The following ZNRF3 variants were observed in gnomAD, a reference collection of about 807,000 sequenced individuals.
ZNRF3 encodes E3 ubiquitin-protein ligase ZNRF3.
In ZNRF3, 23 loss-of-function variants were observed where a neutral mutation model predicts 72.5. That is an observed-to-expected ratio of 0.32 (90% confidence interval 0.23 to 0.45). The LOEUF is 0.45. Ranked by LOEUF, ZNRF3 falls within the 20% of genes least tolerant of loss-of-function variation. The pLI is 1.00. For missense variants in ZNRF3, 1,169 were observed against 1,272.1 expected (o/e 0.92, Z 1.23); for synonymous variants, 610 against 545.3 (o/e 1.12, Z -1.65).
intron 5 of ZNRF3, among the ~76,000 whole-genome samples, chr22:29,046,456 G>A (rs1375990646): frequency 6.6e-6 from 1 of 152,182 alleles, no homozygotes; most frequent in Non-Finnish European, 1.5e-5. Flanking sequence ...CAAGTAATTG[G>A]AGGAGACCCC....
chr22:28,897,963 G>A (rs2034031026), intron 1 of ZNRF3, among the ~76,000 whole-genome samples: 1 of 151,994 alleles, frequency 6.6e-6, no homozygotes. Context: ...TCTTTTTTTA[G>A]GTGGGGTCTC....
intron 1 of ZNRF3, among the ~76,000 whole-genome samples, chr22:28,956,723 G>C (rs5762915): frequency 6.6e-6 from 1 of 152,202 alleles, no homozygotes; most frequent in Non-Finnish European, 1.5e-5. Flanking sequence ...AGAGAGCTGA[G>C]AACTGAGTGA....
intron 1 of ZNRF3, among the ~76,000 whole-genome samples, chr22:28,984,627 T>A (rs1182595459): frequency 6.6e-6 from 1 of 152,224 alleles, no homozygotes; most frequent in Non-Finnish European, 1.5e-5. Flanking sequence ...TGATTTGACC[T>A]GGGACTTCAG....
Position 29,053,916 on chromosome 22 carries a change from C to T in ZNRF3, c.*294C>T. 3.9e-6 allele frequency: 1 copy of T among 253,192 alleles called. No homozygotes were observed. The highest frequency in any genetic ancestry group is 7.4e-6 in the Non-Finnish European group (1 of 134,650). 15.7% of individuals were successfully genotyped at this position (253,192 alleles called of 1,614,324 possible). On this transcript the variant is annotated 3_prime_UTR_variant, in exon 9 of 9. Transcript: ENST00000544604. ...GTTCCGAGGTGTGGGATTGAGTTCT[C>T]TGCTTTGTTTTTTTTTAAGATATTG...
chr22:28,899,935 T>A (rs2034073217), intron 1 of ZNRF3, among the ~76,000 whole-genome samples: 1 of 152,184 alleles, frequency 6.6e-6, no homozygotes, highest in Non-Finnish European at 1.5e-5. Context: ...AAGCAATAGT[T>A]AGTTTACTTT....
chr22:29,011,884 C>T (rs978012333), intron 2 of ZNRF3, among the ~76,000 whole-genome samples: 13 of 152,178 alleles, frequency 8.5e-5, no homozygotes, highest in African/African-American at 3.1e-4. Context: ...GCAGGGCCAC[C>T]ATGTCTCTGC....
intron 2 of ZNRF3, among the ~76,000 whole-genome samples, chr22:29,035,032 C>A (rs1454647509): frequency 7.2e-6 from 1 of 138,968 alleles, no homozygotes; most frequent in Admixed American, 7.7e-5. Flanking sequence ...AATAGACACA[C>A]GGAGTCTTGC....
chr22:28,887,153 G>T (rs1295373254), intron 1 of ZNRF3, among the ~76,000 whole-genome samples: 2 of 151,708 alleles, frequency 1.3e-5, no homozygotes, highest in African/African-American at 4.8e-5. Context: ...TCACCTTTAA[G>T]AATTCTAAGA....
chr22:29,043,820 A>G (rs1401422640), intron 4 of ZNRF3, among the ~76,000 whole-genome samples: 3 of 152,122 alleles, frequency 2.0e-5, no homozygotes, highest in Non-Finnish European at 4.4e-5. Flanking sequence ...TAGACACTAG[A>G]AAAAAAGGCT....
At position 29,049,345 on chromosome 22, in the gene ZNRF3, C is replaced by T; in HGVS notation, c.1164C>T (p.Asp388=). Residue 388 remains aspartate, a synonymous_variant, in exon 8 of 9, where the codon GAC becomes GAT. Coordinates refer to ENST00000544604, the MANE Select transcript of ZNRF3 (RefSeq NM_001206998.2). The surrounding 1 kb of genome is among the most constrained non-coding windows in gnomAD (Gnocchi z 5.2). ...IPAYPTRTSM[D]SHGNPVTLLT... ...CCTACCCTACGAGGACAAGCATGGA[C>T]TCCCACGGCAACCCCGTCACCTTGC... 2 of 1,613,766 alleles carry T rather than the reference C, an allele frequency of 1.2e-6. No homozygotes were observed. Among genetic ancestry groups the T allele is most frequent in the South Asian group, 2.2e-5 (2 of 91,084 alleles).
intron 2 of ZNRF3, among the ~76,000 whole-genome samples, chr22:29,021,358 T>C (rs1303554144): frequency 6.6e-6 from 1 of 152,236 alleles, no homozygotes; most frequent in Non-Finnish European, 1.5e-5. Flanking sequence ...GGAATTTTCC[T>C]ATATTAACTA....
chr22:28,919,401 C>G (rs528064141), intron 1 of ZNRF3, among the ~76,000 whole-genome samples: 3 of 152,324 alleles, frequency 2.0e-5, no homozygotes, highest in East Asian at 3.9e-4. Context: ...CATAACATCC[C>G]TATGCTGGTT....
At chr22:28,941,724 A>G (rs1181770068) in intron 1 of ZNRF3, among the ~76,000 whole-genome samples, 2 of 152,052 alleles carry the variant, frequency 1.3e-5, no homozygotes, top group East Asian at 3.9e-4. Context: ...TCAAGTGACC[A>G]GCATGGTGAA....
rs560431389 is a variant in ZNRF3, at chr22:29,052,822, A to T, written c.2768-757A>T. Among the ~76,000 whole-genome samples, 333 of 151,696 alleles carry T rather than the reference A, an allele frequency of 2.2e-3. 1 individual carries two copies. In the South Asian group the frequency reaches 0.032, roughly 14 times the overall value. On this transcript the variant is annotated intron_variant, in intron 8 of 8. Transcript: ENST00000544604. ...GACCCTATCTCTTAAAAAAAAATTT[A>T]AAAAAAAATTTTTTTTTAATTAGCT...
intron 1 of ZNRF3, among the ~76,000 whole-genome samples, chr22:28,966,325 C>T (rs1332159639): frequency 1.3e-5 from 2 of 152,126 alleles, no homozygotes; most frequent in African/African-American, 2.4e-5. Flanking sequence ...ACAGTGGTTC[C>T]GTAAAGATTA....
At chr22:28,900,022 C>T (rs1176189644) in intron 1 of ZNRF3, among the ~76,000 whole-genome samples, 1 of 152,114 alleles carries the variant, frequency 6.6e-6, no homozygotes, top group African/African-American at 2.4e-5. Context: ...AATTTCTTCC[C>T]TACTTGTTGG....
At chr22:28,926,038 G>C (rs2034594361) in intron 1 of ZNRF3, among the ~76,000 whole-genome samples, 1 of 152,200 alleles carries the variant, frequency 6.6e-6, no homozygotes, top group Admixed American at 6.5e-5. Context: ...AACCCAGGAA[G>C]TTGCACCTGG....
intron 1 of ZNRF3, among the ~76,000 whole-genome samples, chr22:28,955,893 T>G (rs1329985922): frequency 6.6e-6 from 1 of 152,162 alleles, no homozygotes; most frequent in Non-Finnish European, 1.5e-5. Context: ...TACTCTGGCC[T>G]AGATGACAGA....
intron 2 of ZNRF3, among the ~76,000 whole-genome samples, chr22:28,999,148 T>A (rs1425424057): frequency 7.4e-6 from 1 of 134,650 alleles, no homozygotes; most frequent in Non-Finnish European, 1.5e-5. Context: ...TGAAACCTCA[T>A]CTCTAATAAA....
Sources: allele counts gnomAD v4.1 joint callset (sites outside exome capture counted in the v4.1 genomes callset), GRCh38; gene constraint gnomAD v4.1.1; non-coding constraint Gnocchi (gnomAD v3.1); transcripts MANE v1.5; gene names NCBI Gene and HGNC (gene_info 2026-07-23, HGNC 2026-07-21).